CCDC50: variants seen among roughly 807,000 people sequenced by gnomAD.
The protein encoded by CCDC50 is coiled-coil domain-containing protein 50.
CCDC50 carries 54 observed loss-of-function variants against 70.2 expected under a neutral mutation model. The ratio of observed to expected loss-of-function variants is 0.77; its 90% CI spans 0.62 to 0.96. The LOEUF (loss-of-function observed/expected upper bound fraction) is 0.96, where lower values mean the gene tolerates loss of function less well. CCDC50 is among the 50% of genes least tolerant of loss of function. CCDC50 has a pLI of 0.00. For missense variants in CCDC50, 558 were observed against 578.7 expected (o/e 0.96, Z 0.37); for synonymous variants, 216 against 198.8 (o/e 1.09, Z -0.73).
chr3:191,351,284 A>G (rs1347460720), intron 1 of CCDC50, among the ~76,000 whole-genome samples: 1 of 142,314 alleles, frequency 7.0e-6, no homozygotes, highest in Non-Finnish European at 1.6e-5. Flanking sequence ...AATGACTAAG[A>G]AAAGAATTTT....
chr3:191,376,371 A>T (rs1713113627), intron 6 of CCDC50, among the ~76,000 whole-genome samples: 1 of 152,174 alleles, frequency 6.6e-6, no homozygotes, highest in Admixed American at 6.6e-5. Context: ...GGTAAATATT[A>T]TAGATAAACC....
At chr3:191,387,704 T>C (rs539031574) in intron 10 of CCDC50, among the ~76,000 whole-genome samples, 1 of 150,282 alleles carries the variant, frequency 6.7e-6, no homozygotes, top group South Asian at 2.1e-4. Flanking sequence ...ATGGACATGC[T>C]AGAAAACTTG....
At position 191,380,944 on chromosome 3, in the gene CCDC50, T is replaced by G; in HGVS notation, c.1242+12T>G. The stretch of plus-strand genomic sequence containing the variant: ...ACCCCGAGTGGAAGGTAGAGTGTGT[T>G]TTGTTTGTTTTCTAATTAGAAATAA... On this transcript the variant is annotated intron_variant, in intron 9 of 11. Coordinates refer to ENST00000392455, the MANE Select transcript of CCDC50 (RefSeq NM_178335.3). The G allele has an allele frequency of 1.3e-6, 2 of 1,598,978 alleles. No homozygotes were observed. Among genetic ancestry groups the G allele is most frequent in the East Asian group, 2.3e-5 (1 of 44,260 alleles).
intron 4 of CCDC50, among the ~76,000 whole-genome samples, chr3:191,366,110 A>G (rs1712679777): frequency 6.6e-6 from 1 of 152,086 alleles, no homozygotes; most frequent in African/African-American, 2.4e-5. Context: ...CACCTTGTTT[A>G]TATTAATGCT....
chr3:191,369,831 A>G (rs199765520), intron 4 of CCDC50, 88 bp from the exon 5 acceptor site: 89 of 913,382 alleles, frequency 9.7e-5, no homozygotes, highest in Non-Finnish European at 1.6e-4. Context: ...AGCACATACA[A>G]ACTTGGCAGT....
In CCDC50 at chr3:191,358,026, G is replaced by T. The variant is rs1438575948; in HGVS notation, c.141G>T (p.Gln47His). 1 of 1,613,878 alleles carries T rather than the reference G, an allele frequency of 6.2e-7. No homozygotes were observed. Among genetic ancestry groups the T allele is most frequent in the African/African-American group, 1.3e-5 (1 of 74,892 alleles). The stretch of plus-strand genomic sequence containing the variant: ...AGCATCATTTGGCATCGAACGTTCA[G>T]CGGAACCGTTTGGTCCAGCATGATC... ...EIEHHLASNV[Q>H]RNRLVQHDLQ... is the part of the protein sequence containing the mutation. Residue 47 changes from glutamine (Q) to histidine (H), a missense_variant, in exon 3 of 12, where the codon CAG (glutamine) becomes CAT (histidine). By Grantham distance (24) the Gln-to-His change is conservative. Coordinates refer to ENST00000392455, the MANE Select transcript of CCDC50 (RefSeq NM_178335.3).
At chr3:191,346,742 A>G (rs1711939699) in intron 1 of CCDC50, among the ~76,000 whole-genome samples, 1 of 152,190 alleles carries the variant, frequency 6.6e-6, no homozygotes, top group South Asian at 2.1e-4. Context: ...TGGTTATTGG[A>G]AAAATGGGCT....
At chr3:191,391,454 C>T (rs1016632752) in intron 11 of CCDC50, among the ~76,000 whole-genome samples, 4 of 152,186 alleles carry the variant, frequency 2.6e-5, no homozygotes, top group Non-Finnish European at 5.9e-5. Flanking sequence ...CCTCAACTTC[C>T]ATCAGTTGGT....
At chr3:191,356,506 G>C (rs753884869) in intron 1 of CCDC50, among the ~76,000 whole-genome samples, 5 of 152,298 alleles carry the variant, frequency 3.3e-5, no homozygotes, top group Non-Finnish European at 5.9e-5. Flanking sequence ...TCATGTCCCT[G>C]GGGATTGACC....
rs1171798107 is a variant in CCDC50, at chr3:191,397,819, T to A, written c.*6059T>A. On this transcript the variant is annotated 3_prime_UTR_variant, in exon 12 of 12. Transcript: ENST00000392455. ...GATTTATAACCAAGCCCCAGAAGAATAGGCAGCTTTGAAATAGCTAGTTCG... is the reference window on the plus strand; with the variant it reads ...GATTTATAACCAAGCCCCAGAAGAAAAGGCAGCTTTGAAATAGCTAGTTCG... 6.6e-6 allele frequency: 1 copy of A among 152,226 alleles called. No homozygotes were observed. Among genetic ancestry groups the A allele is most frequent in the African/African-American group, 2.4e-5 (1 of 41,456 alleles). The allele number at this position is 152,226 out of a possible 1,614,324, so 9.4% of individuals were successfully genotyped here. A position where few individuals can be genotyped will look rare whatever the true frequency, so the allele number is the denominator to read the frequency against.
At chr3:191,334,787 A>G (rs1434635760) in intron 1 of CCDC50, among the ~76,000 whole-genome samples, 1 of 152,136 alleles carries the variant, frequency 6.6e-6, no homozygotes, top group East Asian at 1.9e-4. Flanking sequence ...GATATGCCAT[A>G]TGTTTAAGAC....
rs1713819276 is a variant in CCDC50 at position 191,395,067 on chromosome 3, G to A, written c.*3307G>A. 2 of 152,122 alleles carry A rather than the reference G, an allele frequency of 1.3e-5. No individual in the cohort carries two copies. Among genetic ancestry groups the A allele is most frequent in the South Asian group, 4.1e-4 (2 of 4,830 alleles). The allele number at this position is 152,122 out of a possible 1,614,324, so 9.4% of individuals were successfully genotyped here. A position where few individuals can be genotyped will look rare whatever the true frequency, so the allele number is the denominator to read the frequency against. On this transcript the variant is annotated 3_prime_UTR_variant, in exon 12 of 12. Coordinates refer to ENST00000392455, the MANE Select transcript of CCDC50 (RefSeq NM_178335.3). ...AAGATATGGATAGATGCTTTTAGGA[G>A]GAAAACCTTTTTAGAATGGCAATGA...
chr3:191,384,246 A>G (rs749781805), intron 10 of CCDC50, among the ~76,000 whole-genome samples: 2 of 152,170 alleles, frequency 1.3e-5, no homozygotes, highest in Non-Finnish European at 2.9e-5. Context: ...TTTACCTTAG[A>G]GGAACATTTG....
chr3:191,350,307 A>T lies in CCDC50; in HGVS notation c.50-6781A>T, dbSNP rs1242911999. 8.4e-5 allele frequency among the ~76,000 whole-genome samples: 12 copies of T among 142,286 alleles called. 2 individuals carry two copies. The highest frequency in any genetic ancestry group is 3.0e-4 in the African/African-American group (12 of 39,932). The allele number at this position is 142,286 out of a possible 152,430, so 93.3% of individuals were successfully genotyped here. A position where few individuals can be genotyped will look rare whatever the true frequency, so the allele number is the denominator to read the frequency against. On this transcript the variant is annotated intron_variant, in intron 1 of 11. Coordinates refer to ENST00000392455, the MANE Select transcript of CCDC50 (RefSeq NM_178335.3). ...TAGTAGATGTTTTCATGTATACAGA[A>T]CAAAGGAAAGCAAGCATAATCCCTG...
rs1713795327 is a variant in CCDC50, at chr3:191,394,376, T to C, written c.*2616T>C. 1 of 152,156 alleles carries C rather than the reference T, an allele frequency of 6.6e-6. No individual in the cohort carries two copies. 9.4% of individuals were successfully genotyped at this position (152,156 alleles called of 1,614,324 possible). On this transcript the variant is annotated 3_prime_UTR_variant, in exon 12 of 12. Transcript: ENST00000392455. ...AATAATATAATAATGTTTGAGACTA[T>C]AGAAGCAACTCAACTGTATTTTAAT...
intron 1 of CCDC50, among the ~76,000 whole-genome samples, chr3:191,331,325 AT>A (rs1282723784): frequency 2.0e-5 from 3 of 152,310 alleles, no homozygotes; most frequent in Admixed American, 2.0e-4. Flanking sequence ...CTTCATATAC[AT>A]TTATATTACC....
In CCDC50 at chr3:191,395,620, A is replaced by C. The variant is rs1201312328; in HGVS notation, c.*3860A>C. ...TCTGAAGGACTGATAATAGAATAGA[A>C]CTTGCAGCCAAAGGCTTTTTCCCTT... On this transcript the variant is annotated 3_prime_UTR_variant, in exon 12 of 12. Transcript: ENST00000392455. 6.6e-6 allele frequency: 1 copy of C among 152,210 alleles called. No homozygotes were observed. 9.4% of individuals were successfully genotyped at this position (152,210 alleles called of 1,614,324 possible).
At chr3:191,338,028 C>T (rs1385326361) in intron 1 of CCDC50, among the ~76,000 whole-genome samples, 2 of 152,074 alleles carry the variant, frequency 1.3e-5, no homozygotes, top group Non-Finnish European at 2.9e-5. Flanking sequence ...GGAGTCTCCC[C>T]TGGACTTTTT....
chr3:191,347,869 C>T (rs914710564), intron 1 of CCDC50, among the ~76,000 whole-genome samples: 6 of 141,688 alleles, frequency 4.2e-5, no homozygotes, highest in South Asian at 2.2e-4. Flanking sequence ...TTCAACATTT[C>T]GTGTTATGTC....
Sources: allele counts gnomAD v4.1 joint callset (sites outside exome capture counted in the v4.1 genomes callset), GRCh38; gene constraint gnomAD v4.1.1; transcripts MANE v1.5; gene names NCBI Gene and HGNC (gene_info 2026-07-23, HGNC 2026-07-21).